SLCO1B1: variants seen among roughly 807,000 people sequenced by gnomAD.
The protein encoded by SLCO1B1 is solute carrier organic anion transporter family member 1B1.
SLCO1B1 carries 81 observed loss-of-function variants against 70.1 expected under a neutral mutation model. The ratio of observed to expected loss-of-function variants is 1.16; its 90% CI spans 0.97 to 1.39. SLCO1B1 has a LOEUF of 1.39. SLCO1B1 is among the 40% of genes most tolerant of loss of function. The pLI, the probability that SLCO1B1 is intolerant of heterozygous loss-of-function variation, is 0.00. For synonymous variants in SLCO1B1, 283 were observed against 271.5 expected (o/e 1.04, Z -0.42); for missense variants, 895 against 799.6 (o/e 1.12, Z -1.44).
chr12:21,158,063 G>T (rs942274374), intron 2 of SLCO1B1, among the ~76,000 whole-genome samples: 3 of 152,100 alleles, frequency 2.0e-5, no homozygotes, highest in African/African-American at 7.2e-5. Context: ...TCATCAAATT[G>T]ATGTGAAGAG....
intron 2 of SLCO1B1, chr12:21,164,784 T>A (rs1940664399): frequency 2.1e-6 from 1 of 472,058 alleles, no homozygotes; most frequent in Admixed American, 2.3e-5. Flanking sequence ...TTAGCCCCAA[T>A]GTCAACACAT....
At chr12:21,183,404 C>T (rs1272971642) in intron 7 of SLCO1B1, among the ~76,000 whole-genome samples, 2 of 152,162 alleles carry the variant, frequency 1.3e-5, no homozygotes, top group Non-Finnish European at 2.9e-5. Flanking sequence ...CCATGTTGCC[C>T]AGGCTGATCT....
At chr12:21,147,765 T>A (rs1451723325) in intron 2 of SLCO1B1, among the ~76,000 whole-genome samples, 1 of 152,188 alleles carries the variant, frequency 6.6e-6, no homozygotes, top group Non-Finnish European at 1.5e-5. Context: ...GTCTTTATAG[T>A]AGAATGATTT....
intron 6 of SLCO1B1, 35 bp downstream of exon 6, chr12:21,178,757 T>C: frequency 1.3e-6 from 2 of 1,567,234 alleles, no homozygotes; most frequent in Non-Finnish European, 1.8e-6. Context: ...GTATGATCAC[T>C]TTCCCTTTGT....
At chr12:21,213,446 A>T (rs1484684094) in intron 11 of SLCO1B1, among the ~76,000 whole-genome samples, 1 of 150,890 alleles carries the variant, frequency 6.6e-6, no homozygotes, top group Non-Finnish European at 1.5e-5. Context: ...TGTTAGTCTG[A>T]TGGGCTTCCC....
chr12:21,233,858 C>G (rs1173289807), intron 14 of SLCO1B1, among the ~76,000 whole-genome samples: 1 of 152,168 alleles, frequency 6.6e-6, no homozygotes, highest in Non-Finnish European at 1.5e-5. Context: ...GCCTCTGGAT[C>G]CATCACCAGA....
rs1418591096 is a variant in SLCO1B1, at chr12:21,211,456, A to G, written c.1497+5423A>G. Among the ~76,000 whole-genome samples the G allele has an allele frequency of 3.3e-5, 5 of 152,348 alleles. No homozygotes were observed. In the South Asian group the frequency reaches 6.2e-4, roughly 19 times the overall value. On this transcript the variant is annotated intron_variant, in intron 11 of 14. Coordinates refer to ENST00000256958, the MANE Select transcript of SLCO1B1 (RefSeq NM_006446.5). The stretch of plus-strand genomic sequence containing the variant: ...AGCTTTTGGATGTGCTGCTGGATTC[A>G]TTTTGCCAGTATTTTATTGAGGATT...
chr12:21,233,905 G>T (rs1386175960), intron 14 of SLCO1B1, among the ~76,000 whole-genome samples: 1 of 152,118 alleles, frequency 6.6e-6, no homozygotes, highest in African/African-American at 2.4e-5. Flanking sequence ...AGGCACAAAG[G>T]CAATCCCAGA....
intron 7 of SLCO1B1, among the ~76,000 whole-genome samples, chr12:21,180,886 A>G (rs567391524): frequency 6.6e-6 from 1 of 152,340 alleles, no homozygotes; most frequent in Non-Finnish European, 1.5e-5. Context: ...AGAATTCATC[A>G]CCATACAATT....
At chr12:21,234,499 T>G (rs1941575958) in intron 14 of SLCO1B1, among the ~76,000 whole-genome samples, 2 of 152,184 alleles carry the variant, frequency 1.3e-5, no homozygotes, top group Admixed American at 6.5e-5. Flanking sequence ...GGGAAAGGAC[T>G]GTTACTGTCT....
In SLCO1B1 at chr12:21,171,433, G is replaced by A. The variant is rs186905779; in HGVS notation, c.85-1217G>A. On this transcript the variant is annotated intron_variant, in intron 2 of 14. Coordinates refer to ENST00000256958, the MANE Select transcript of SLCO1B1 (RefSeq NM_006446.5). ...GTTGTTTATGGTCTCATAGGTTATT[G>A]GAAAAACTTGATATGACTATAAGTT... is the stretch of plus-strand genomic sequence containing the variant. 3.3e-5 allele frequency among the ~76,000 whole-genome samples: 5 copies of A among 152,232 alleles called. No individual in the cohort carries two copies. In the East Asian group the frequency reaches 7.7e-4, roughly 23 times the overall value.
intron 2 of SLCO1B1, among the ~76,000 whole-genome samples, chr12:21,153,443 G>T (rs1028377467): frequency 6.6e-6 from 1 of 151,990 alleles, no homozygotes; most frequent in Non-Finnish European, 1.5e-5. Context: ...TAATTGCATT[G>T]TGGAAGCTAT....
intron 2 of SLCO1B1, among the ~76,000 whole-genome samples, chr12:21,161,921 T>C (rs1027396704): frequency 6.6e-6 from 1 of 151,744 alleles, no homozygotes; most frequent in Non-Finnish European, 1.5e-5. Flanking sequence ...GGCAGGAAAA[T>C]CTCTGGAACC....
intron 14 of SLCO1B1, among the ~76,000 whole-genome samples, chr12:21,229,725 A>G (rs1021120555): frequency 6.6e-6 from 1 of 152,042 alleles, no homozygotes; most frequent in Non-Finnish European, 1.5e-5. Flanking sequence ...GTGTCCTGAA[A>G]CCTTGCAATA....
intron 1 of SLCO1B1, among the ~76,000 whole-genome samples, chr12:21,141,311 T>C (rs1175134713): frequency 1.3e-5 from 2 of 151,934 alleles, no homozygotes; most frequent in Non-Finnish European, 2.9e-5. Context: ...TTCTATTAAA[T>C]TGTAATCTCC....
chr12:21,220,836 G>GAAAACCACA (rs965800486), intron 12 of SLCO1B1, among the ~76,000 whole-genome samples: 1 of 146,126 alleles, frequency 6.8e-6, no homozygotes, highest in African/African-American at 2.5e-5. Context: ...AAAAAGAAAA[G>GAAAACCACA]AAAACCACAA....
chr12:21,197,534 T>A (rs1039094486), intron 8 of SLCO1B1, among the ~76,000 whole-genome samples: 6 of 152,098 alleles, frequency 3.9e-5, no homozygotes, highest in African/African-American at 1.4e-4. Flanking sequence ...CTTCATTTAT[T>A]CAACAAGTAG....
intron 2 of SLCO1B1, among the ~76,000 whole-genome samples, chr12:21,148,367 T>C (rs191343268): frequency 3.3e-5 from 5 of 152,166 alleles, no homozygotes; most frequent in African/African-American, 1.2e-4. Context: ...CTTTAATCCA[T>C]CTTGAGTTAA....
intron 2 of SLCO1B1, among the ~76,000 whole-genome samples, chr12:21,161,638 T>C (rs7953338): frequency 0.84 from 127,907 of 152,176 alleles, 54,473 homozygotes; most frequent in Non-Finnish European, 0.91. Flanking sequence ...ACCTGTACAA[T>C]AAACCTTCAC....
Sources: allele counts gnomAD v4.1 joint callset (sites outside exome capture counted in the v4.1 genomes callset), GRCh38; gene constraint gnomAD v4.1.1; transcripts MANE v1.5; gene names NCBI Gene and HGNC (gene_info 2026-07-23, HGNC 2026-07-21).